Variants in SOS1 observed in about 807,000 individuals in gnomAD.
The protein encoded by SOS1 is SOS Ras/Rac guanine nucleotide exchange factor 1.
In SOS1, 25 loss-of-function variants were observed where a neutral mutation model predicts 157.6. That is an observed-to-expected ratio of 0.16 (90% CI 0.12 to 0.22). SOS1 has a LOEUF of 0.22. Ranked by LOEUF, SOS1 falls within the 10% of genes least tolerant of loss-of-function variation. SOS1 has a pLI of 1.00. For synonymous variants in SOS1, 528 were observed against 534.0 expected (o/e 0.99, Z 0.16); for missense variants, 1,237 against 1,599.1 (o/e 0.77, Z 3.86).
intron 10 of SOS1, among the ~76,000 whole-genome samples, chr2:39,018,339 T>G (rs915918685): frequency 6.6e-6 from 1 of 151,818 alleles, no homozygotes; most frequent in Non-Finnish European, 1.5e-5. Context: ...TCATTAGAGA[T>G]AACATTACTT....
intron 1 of SOS1, among the ~76,000 whole-genome samples, chr2:39,114,140 G>T (rs1673552195): frequency 6.6e-6 from 1 of 152,004 alleles, no homozygotes; most frequent in Admixed American, 6.6e-5. Context: ...CTGTCACCCA[G>T]ACGGCAGTGC....
chr2:39,038,975 A>AC (rs1400679913), intron 6 of SOS1, among the ~76,000 whole-genome samples: 3 of 151,972 alleles, frequency 2.0e-5, no homozygotes, highest in Non-Finnish European at 2.9e-5. Context: ...GTTGTGTCAA[A>AC]CCCCATTGTT....
intron 1 of SOS1, among the ~76,000 whole-genome samples, chr2:39,118,371 G>T (rs983338033): frequency 6.6e-6 from 1 of 152,180 alleles, no homozygotes; most frequent in African/African-American, 2.4e-5. Context: ...AAGTAAAAAC[G>T]TAGGTTTTGA....
intron 1 of SOS1, among the ~76,000 whole-genome samples, chr2:39,089,578 G>T (rs1672508845): frequency 6.9e-6 from 1 of 145,008 alleles, no homozygotes; most frequent in African/African-American, 2.5e-5. Context: ...ACCTAAAAAA[G>T]CTCCCAATGA....
intron 1 of SOS1, among the ~76,000 whole-genome samples, chr2:39,085,104 G>A (rs1364030632): frequency 2.6e-5 from 4 of 152,246 alleles, no homozygotes; most frequent in South Asian, 4.1e-4. Context: ...GGACTGCAGT[G>A]TCGTGTTCAC....
intron 6 of SOS1, among the ~76,000 whole-genome samples, chr2:39,039,939 G>A (rs1254716806): frequency 6.6e-6 from 1 of 152,134 alleles, no homozygotes; most frequent in Non-Finnish European, 1.5e-5. Flanking sequence ...TTTGTGACTG[G>A]CTTCTTGTGT....
intron 20 of SOS1, 123 bp downstream of exon 20, chr2:38,995,000 T>C (rs945462637): frequency 4.0e-6 from 3 of 755,372 alleles, no homozygotes; most frequent in Admixed American, 4.8e-5. Flanking sequence ...ATATTATCTT[T>C]TGAAATGGCA....
chr2:38,999,957 T>G (rs1414772561), intron 17 of SOS1, among the ~76,000 whole-genome samples: 1 of 152,160 alleles, frequency 6.6e-6, no homozygotes, highest in African/African-American at 2.4e-5. Context: ...TTAAGACCAG[T>G]AACATGAAGA....
At chr2:39,018,959 T>C (rs1263003916) in intron 10 of SOS1, among the ~76,000 whole-genome samples, 1 of 151,808 alleles carries the variant, frequency 6.6e-6, no homozygotes, top group African/African-American at 2.4e-5. Flanking sequence ...AGCGCTGCCC[T>C]ATAGATGAAA....
intron 21 of SOS1, among the ~76,000 whole-genome samples, chr2:38,988,444 AG>A (rs1484597144): frequency 2.0e-5 from 3 of 152,198 alleles, no homozygotes; most frequent in Admixed American, 6.5e-5. Flanking sequence ...CTATAAAAAA[AG>A]ATGTGAAAAA....
upstream of SOS1, chr2:39,124,033 G>C (rs898464361): frequency 2.6e-5 from 4 of 152,350 alleles, no homozygotes; most frequent in African/African-American, 7.2e-5. Context: ...GCCGTAGACA[G>C]GGCGGGTAAC....
Position 38,985,575 on chromosome 2 carries a change from T to C in SOS1, c.*249A>G. The C allele has an allele frequency of 2.1e-6, 1 of 472,668 alleles. No homozygotes were observed. The highest frequency in any genetic ancestry group is 3.3e-5 in the Admixed American group (1 of 29,904). The allele number at this position is 472,668 out of a possible 1,614,324, so 29.3% of individuals were successfully genotyped here. A position where few individuals can be genotyped will look rare whatever the true frequency, so the allele number is the denominator to read the frequency against. ...CTGCCTATTGGCCAGAAAAAGTCCC[T>C]TTATGATTTTCAGGTGCAATCAGTT... On this transcript the variant is annotated 3_prime_UTR_variant, in exon 23 of 23. Transcript: ENST00000402219.
At chr2:38,986,986 A>ATT (rs1354339541) in intron 22 of SOS1, among the ~76,000 whole-genome samples, 2,223 of 152,284 alleles carry the variant, frequency 0.015, 57 homozygotes, top group African/African-American at 0.051. Flanking sequence ...AACAAAATTA[A>ATT]ATAAGTAGAA....
At chr2:39,104,802 TAGTC>T (rs1673103204) in intron 1 of SOS1, among the ~76,000 whole-genome samples, 1 of 152,166 alleles carries the variant, frequency 6.6e-6, no homozygotes, top group African/African-American at 2.4e-5. Flanking sequence ...TAAATGAAAG[TAGTC>T]AGACACAAAA....
chr2:39,037,259 A>C (rs563164788), intron 6 of SOS1, among the ~76,000 whole-genome samples: 2 of 152,366 alleles, frequency 1.3e-5, no homozygotes, highest in Admixed American at 1.3e-4. Context: ...GCATGAATAC[A>C]GTGGACGGAA....
rs182667781 is a variant in SOS1 at position 39,040,239 on chromosome 2, G to A, written c.865-4739C>T. Among the ~76,000 whole-genome samples the A allele has an allele frequency of 4.6e-5, 7 of 151,928 alleles. No homozygotes were observed. In the East Asian group the frequency reaches 9.7e-4, roughly 21 times the overall value. On this transcript the variant is annotated intron_variant, in intron 6 of 22. Transcript: ENST00000402219. ...TCACCGTGTTAGCCAGGATGGTCTC[G>A]ATCTCCTGACCTTGTGATCCGCCCG...
At chr2:39,043,370 T>G (rs957467989) in intron 6 of SOS1, among the ~76,000 whole-genome samples, 11 of 152,240 alleles carry the variant, frequency 7.2e-5, no homozygotes, top group African/African-American at 2.2e-4. Flanking sequence ...ATTTCATTGA[T>G]ATCTGAGAAT....
upstream of SOS1, among the ~76,000 whole-genome samples, chr2:39,122,147 C>T (rs1673910925): frequency 4.6e-5 from 7 of 152,226 alleles, no homozygotes; most frequent in South Asian, 1.0e-3. Context: ...ATACACAGGC[C>T]GGCCAGGCGA....
At chr2:39,006,803 G>A (rs544279661) in intron 16 of SOS1, among the ~76,000 whole-genome samples, 7 of 152,182 alleles carry the variant, frequency 4.6e-5, no homozygotes, top group African/African-American at 9.6e-5. Flanking sequence ...ATTAAGTGCC[G>A]AAAGTTTTTT....
Sources: allele counts gnomAD v4.1 joint callset (sites outside exome capture counted in the v4.1 genomes callset), GRCh38; gene constraint gnomAD v4.1.1; transcripts MANE v1.5; gene names NCBI Gene and HGNC (gene_info 2026-07-23, HGNC 2026-07-21).